The following EFCAB5 variants were observed in gnomAD, a reference collection of about 807,000 sequenced individuals.
The protein encoded by EFCAB5 is EF-hand calcium-binding domain-containing protein 5.
Under a neutral mutation model 167.9 loss-of-function variants are expected in EFCAB5, and 131 were observed. The ratio of observed to expected loss-of-function variants is 0.78; its 90% CI spans 0.68 to 0.90. The LOEUF (loss-of-function observed/expected upper bound fraction) is 0.90, where lower values mean the gene tolerates loss of function less well. Ranked by LOEUF, EFCAB5 falls within the 40% of genes least tolerant of loss-of-function variation. The pLI, the probability that EFCAB5 is intolerant of heterozygous loss-of-function variation, is 0.00. For missense variants in EFCAB5, 1,663 were observed against 1,745.2 expected (o/e 0.95, Z 0.84); for synonymous variants, 574 against 602.8 (o/e 0.95, Z 0.70).
intron 22 of EFCAB5, among the ~76,000 whole-genome samples, chr17:30,096,707 T>A (rs1208022078): frequency 7.7e-6 from 1 of 129,642 alleles, no homozygotes; most frequent in East Asian, 2.1e-4. Flanking sequence ...TGAGATGGAG[T>A]CTTGCTCTGT....
intron 1 of EFCAB5, among the ~76,000 whole-genome samples, chr17:29,933,267 G>A (rs1057506414): frequency 3.3e-5 from 5 of 152,160 alleles, no homozygotes; most frequent in South Asian, 4.1e-4. Context: ...AGGAGAGAAG[G>A]TCTGGGCAAA....
upstream of EFCAB5, among the ~76,000 whole-genome samples, chr17:29,937,709 G>A (rs909896008): frequency 1.4e-4 from 21 of 152,110 alleles, no homozygotes; most frequent in African/African-American, 5.1e-4. Flanking sequence ...CAGTATCTCT[G>A]TTCTAATTAT....
intron 4 of EFCAB5, among the ~76,000 whole-genome samples, chr17:29,984,672 T>G (rs1013557947): frequency 2.0e-5 from 3 of 152,086 alleles, no homozygotes; most frequent in Admixed American, 6.5e-5. Context: ...GAGCCAAGAT[T>G]GTGCCACTGC....
chr17:30,053,984 G>GT lies in EFCAB5; in HGVS notation c.2031dup (p.Ile678TyrfsTer14), dbSNP rs1291673822. The GT allele has an allele frequency of 6.2e-7, 1 of 1,613,336 alleles. No individual in the cohort carries two copies. Among genetic ancestry groups the GT allele is most frequent in the Non-Finnish European group, 8.5e-7 (1 of 1,179,504 alleles). ...TCAACTTCACAATCAAGAAAAGATA[G>GT]TATCTTAAAAAGTACAAAATATGGG... On this transcript the variant is annotated frameshift_variant, in exon 10 of 23. Transcript: ENST00000394835. LOFTEE classifies it high-confidence loss of function.
At chr17:30,083,069 T>G in intron 18 of EFCAB5, 26 bp downstream of exon 18, 2 of 1,610,332 alleles carry the variant, frequency 1.2e-6, no homozygotes, top group Non-Finnish European at 8.5e-7. Flanking sequence ...TAGTGGTAGA[T>G]CTCTCCAAGG....
chr17:30,033,171 C>T (rs550233632), intron 7 of EFCAB5, among the ~76,000 whole-genome samples: 2 of 151,962 alleles, frequency 1.3e-5, no homozygotes, highest in Non-Finnish European at 2.9e-5. Context: ...CTCCGCCTCT[C>T]GGGTTCACGC....
intron 8 of EFCAB5, among the ~76,000 whole-genome samples, chr17:30,044,412 T>C (rs1001091731): frequency 6.6e-6 from 1 of 152,068 alleles, no homozygotes; most frequent in African/African-American, 2.4e-5. Context: ...ACCCTGTCTC[T>C]ACTAAAAATA....
At position 30,003,102 on chromosome 17, in the gene EFCAB5, G is replaced by T. The variant is rs192074505; in HGVS notation, c.1044+3126G>T. Among the ~76,000 whole-genome samples, 186 of 140,536 alleles carry T rather than the reference G, an allele frequency of 1.3e-3. 2 individuals carry two copies. The highest frequency in any genetic ancestry group is 2.0e-3 in the South Asian group (8 of 3,950). The allele number at this position is 140,536 out of a possible 152,430, so 92.2% of individuals were successfully genotyped here. On this transcript the variant is annotated intron_variant, in intron 7 of 22. Transcript: ENST00000394835. ...TTTTCCTCTTTTTTTTTTGTAGCGG[G>T]GGGGGGGTCTGATATTTCCTCTGTT...
chr17:29,942,082 T>C (rs1178980001), intron 1 of EFCAB5, among the ~76,000 whole-genome samples, 158 bp from the exon 2 acceptor site: 1 of 152,258 alleles, frequency 6.6e-6, no homozygotes, highest in Non-Finnish European at 1.5e-5. Flanking sequence ...TTGTTTGAAT[T>C]TGTTGATACA....
intron 19 of EFCAB5, 115 bp from the exon 20 acceptor site, chr17:30,090,306 G>A (rs2071169620): frequency 2.2e-6 from 3 of 1,340,346 alleles, no homozygotes; most frequent in Admixed American, 5.4e-5. Context: ...ACAGCAAGAA[G>A]GGCTGGCATG....
intron 4 of EFCAB5, among the ~76,000 whole-genome samples, chr17:29,985,174 T>C (rs1243647017): frequency 1.3e-5 from 2 of 152,198 alleles, no homozygotes; most frequent in Admixed American, 1.3e-4. Context: ...AAGCACAGTT[T>C]TTCCCCCATT....
At chr17:30,069,557 G>A (rs2070674179) in intron 14 of EFCAB5, 3 of 1,613,228 alleles carry the variant, frequency 1.9e-6, no homozygotes, top group Non-Finnish European at 2.5e-6. Context: ...AAACAACGCT[G>A]GCTTCCGCGT....
intron 8 of EFCAB5, 144 bp from the exon 9 acceptor site, chr17:30,050,974 G>C: frequency 1.5e-6 from 1 of 672,806 alleles, no homozygotes; most frequent in Non-Finnish European, 2.5e-6. Context: ...TAACTTTCTT[G>C]ATTTTGATGC....
At chr17:30,101,654 G>A (rs1251539675) in intron 22 of EFCAB5, among the ~76,000 whole-genome samples, 1 of 152,206 alleles carries the variant, frequency 6.6e-6, no homozygotes, top group Non-Finnish European at 1.5e-5. Context: ...AGAGAGGAAA[G>A]TCTCCTAGGT....
chr17:30,082,832 T>C (rs1241370164), intron 17 of EFCAB5, 59 bp from the exon 18 acceptor site: 3 of 1,460,008 alleles, frequency 2.1e-6, no homozygotes, highest in Non-Finnish European at 2.8e-6. Context: ...AATTACTATA[T>C]TACTAATTAT....
At chr17:29,946,813 C>A (rs1281396914) in intron 3 of EFCAB5, among the ~76,000 whole-genome samples, 2 of 151,952 alleles carry the variant, frequency 1.3e-5, no homozygotes, top group Non-Finnish European at 2.9e-5. Context: ...GGTATCTACC[C>A]AAAAGAAAAT....
intron 22 of EFCAB5, among the ~76,000 whole-genome samples, chr17:30,094,521 A>AAAAT (rs1338940523): frequency 6.7e-6 from 1 of 149,432 alleles, no homozygotes; most frequent in Non-Finnish European, 1.5e-5. Context: ...AAAAAAAAAA[A>AAAAT]AAAAAAAAAA....
At chr17:30,018,985 T>C (rs1175375320) in intron 7 of EFCAB5, among the ~76,000 whole-genome samples, 2 of 152,176 alleles carry the variant, frequency 1.3e-5, no homozygotes, top group Non-Finnish European at 2.9e-5. Context: ...TCTGATATGG[T>C]ATGGATGCTT....
At chr17:30,063,968 G>A (rs533765217) in intron 14 of EFCAB5, among the ~76,000 whole-genome samples, 1 of 152,288 alleles carries the variant, frequency 6.6e-6, no homozygotes, top group South Asian at 2.1e-4. Flanking sequence ...TGGAAACAAT[G>A]TCGCCATGTC....
Sources: allele counts gnomAD v4.1 joint callset (sites outside exome capture counted in the v4.1 genomes callset), GRCh38; gene constraint gnomAD v4.1.1; transcripts MANE v1.5; gene names NCBI Gene and HGNC (gene_info 2026-07-23, HGNC 2026-07-21).